PMS1: variants seen among roughly 807,000 people sequenced by gnomAD.
PMS1 encodes PMS1 protein homolog 1.
In PMS1, 79 loss-of-function variants were observed where a neutral mutation model predicts 93.1. That is an observed-to-expected ratio of 0.85 (90% CI 0.71 to 1.02). The LOEUF (loss-of-function observed/expected upper bound fraction) is 1.02. PMS1 is among the 50% of genes least tolerant of loss of function. PMS1 has a pLI of 0.00. For synonymous variants in PMS1, 335 were observed against 363.4 expected (o/e 0.92, Z 0.89); for missense variants, 1,064 against 1,085.3 (o/e 0.98, Z 0.28).
intron 6 of PMS1, among the ~76,000 whole-genome samples, chr2:189,848,571 T>TA (rs983402933): frequency 2.0e-5 from 3 of 152,206 alleles, no homozygotes; most frequent in African/African-American, 7.2e-5. Context: ...TAGAATTGCA[T>TA]AAAGAGTCCT....
At chr2:189,791,574 G>A (rs956702268) in intron 1 of PMS1, 14 of 421,248 alleles carry the variant, frequency 3.3e-5, no homozygotes, top group African/African-American at 2.5e-4. Flanking sequence ...TCGAGATCAC[G>A]CCACTGCACT....
In PMS1 at chr2:189,844,073, A is replaced by C. The variant is rs2054037569; in HGVS notation, c.692A>C (p.Glu231Ala). Residue 231 changes from glutamate (E) to alanine (A), a missense_variant, in exon 6 of 13, where the codon GAA becomes GCA. Glu to Ala is a moderately radical substitution (Grantham distance 107, BLOSUM62 -1). Transcript: ENST00000441310. Reference sequence around the variant, plus strand: ...GAATCCTTTCAGTACCACTCTGAAGAATCTCAGGTATACTGCAAAAACATT... The same window carrying C: ...GAATCCTTTCAGTACCACTCTGAAGCATCTCAGGTATACTGCAAAAACATT... Reference protein sequence around the residue: ...NMESFQYHSEESQIYLSGFLP... With the variant: ...NMESFQYHSEASQIYLSGFLP... 1.2e-6 allele frequency: 2 copies of C among 1,613,628 alleles called. No homozygotes were observed. The highest frequency in any genetic ancestry group is 2.2e-5 in the South Asian group (2 of 91,088).
intron 6 of PMS1, among the ~76,000 whole-genome samples, chr2:189,846,863 C>CTTT (rs751908829): frequency 1.5e-5 from 2 of 137,742 alleles, no homozygotes; most frequent in African/African-American, 2.6e-5. Context: ...TCTTTTTTTT[C>CTTT]TTTTTTTTTT....
At chr2:189,865,031 C>T (rs908217394) in intron 10 of PMS1, among the ~76,000 whole-genome samples, 5 of 151,684 alleles carry the variant, frequency 3.3e-5, no homozygotes, top group African/African-American at 4.8e-5. Context: ...TTCTTTCCTT[C>T]GCAAAATTAG....
At chr2:189,866,609 AAAGT>A (rs2056681000) in intron 10 of PMS1, among the ~76,000 whole-genome samples, 2 of 152,204 alleles carry the variant, frequency 1.3e-5, no homozygotes, top group African/African-American at 2.4e-5. Flanking sequence ...AGGTACCTAT[AAAGT>A]AAGGGCTCAA....
chr2:189,837,195 C>G (rs1482388704), intron 5 of PMS1, among the ~76,000 whole-genome samples: 2 of 148,360 alleles, frequency 1.3e-5, no homozygotes, highest in Non-Finnish European at 3.0e-5. Context: ...GGGAGGGGGT[C>G]TTGCTCTGTC....
intron 1 of PMS1, among the ~76,000 whole-genome samples, chr2:189,789,122 T>C (rs118036771): frequency 1.3e-5 from 2 of 152,318 alleles, no homozygotes; most frequent in East Asian, 3.9e-4. Flanking sequence ...TATAGATTAA[T>C]TAGAGGGTAG....
At chr2:189,827,683 G>A (rs1017724526) in intron 5 of PMS1, among the ~76,000 whole-genome samples, 1 of 151,888 alleles carries the variant, frequency 6.6e-6, no homozygotes, top group African/African-American at 2.4e-5. Flanking sequence ...CTGAAATCCT[G>A]TCGTTTGCAG....
chr2:189,856,875 G>A (rs1480003179), intron 9 of PMS1, among the ~76,000 whole-genome samples: 2 of 152,056 alleles, frequency 1.3e-5, no homozygotes, highest in African/African-American at 4.8e-5. Context: ...CTAGGATTAT[G>A]ATTAATAGGC....
At chr2:189,802,974 G>A (rs573791428) in intron 3 of PMS1, among the ~76,000 whole-genome samples, 1 of 152,172 alleles carries the variant, frequency 6.6e-6, no homozygotes, top group African/African-American at 2.4e-5. Flanking sequence ...CCCATAGTGG[G>A]TATCTGGGAA....
Position 189,854,346 on chromosome 2 carries a change from C to A in PMS1, c.1074C>A (p.Ile358=), listed in dbSNP as rs745613341. Residue 358 remains isoleucine (I), a synonymous_variant, in exon 9 of 13, where the codon ATC becomes ATA. Coordinates refer to ENST00000441310, the MANE Select transcript of PMS1 (RefSeq NM_000534.5). The part of the protein sequence containing the change: ...NNKTDVSAAD[I]VLSKTAETDV... ...AAACAGATGTTTCCGCAGCTGACAT[C>A]GTTCTTAGTAAAACAGCAGAAACAG... 2 of 1,599,872 alleles carry A rather than the reference C, an allele frequency of 1.3e-6. No individual in the cohort carries two copies. Among genetic ancestry groups the A allele is most frequent in the South Asian group, 1.1e-5 (1 of 88,720 alleles).
chr2:189,846,580 G>A (rs1315762997), intron 6 of PMS1, among the ~76,000 whole-genome samples: 2 of 151,990 alleles, frequency 1.3e-5, no homozygotes, highest in Non-Finnish European at 2.9e-5. Flanking sequence ...TTGGGAGGCT[G>A]AGGTGGGAGG....
intron 1 of PMS1, among the ~76,000 whole-genome samples, chr2:189,790,385 TCA>T (rs1464897232): frequency 2.6e-5 from 4 of 152,354 alleles, no homozygotes; most frequent in African/African-American, 9.6e-5. Context: ...TTATCATTAT[TCA>T]GTTATTACCA....
intron 1 of PMS1, among the ~76,000 whole-genome samples, chr2:189,787,600 TTTA>T (rs1419161039): frequency 3.5e-5 from 1 of 28,390 alleles, no homozygotes; most frequent in Non-Finnish European, 1.1e-4. Flanking sequence ...ACTTCACTTT[TTTA>T]TTTTTTTTTT....
At chr2:189,809,816 G>C (rs1181075575) in intron 4 of PMS1, among the ~76,000 whole-genome samples, 3 of 152,156 alleles carry the variant, frequency 2.0e-5, no homozygotes, top group Non-Finnish European at 4.4e-5. Context: ...TGGGCAACAA[G>C]AGTGAAACTC....
intron 6 of PMS1, among the ~76,000 whole-genome samples, chr2:189,849,328 G>A (rs565942314): frequency 1.3e-5 from 2 of 152,190 alleles, no homozygotes; most frequent in South Asian, 4.1e-4. Context: ...ATCATTGCCT[G>A]ATTTTAATTC....
chr2:189,864,835 AT>A (rs1023464609), intron 10 of PMS1, among the ~76,000 whole-genome samples: 1 of 148,494 alleles, frequency 6.7e-6, no homozygotes, highest in African/African-American at 2.5e-5. Context: ...TCTCTGGTAC[AT>A]TAGTGACTTC....
chr2:189,806,364 T>TA, intron 4 of PMS1: 1 of 287,316 alleles, frequency 3.5e-6, no homozygotes, highest in Non-Finnish European at 6.7e-6. Context: ...GTAATATTAT[T>TA]ACATTTTAAT....
intron 3 of PMS1, among the ~76,000 whole-genome samples, chr2:189,796,365 A>AT (rs533256233): frequency 0.016 from 2,463 of 152,190 alleles, 63 homozygotes; most frequent in African/African-American, 0.056. Context: ...GTCTCAAAAA[A>AT]ATATATATAT....
Sources: allele counts gnomAD v4.1 joint callset (sites outside exome capture counted in the v4.1 genomes callset), GRCh38; gene constraint gnomAD v4.1.1; transcripts MANE v1.5; gene names NCBI Gene and HGNC (gene_info 2026-07-23, HGNC 2026-07-21).